Variants in LPIN1 observed in about 807,000 individuals in gnomAD.
LPIN1 encodes the protein phosphatidate phosphatase LPIN1.
Under a neutral mutation model 107.5 loss-of-function variants are expected in LPIN1, and 71 were observed. That is an observed-to-expected ratio of 0.66 (90% CI 0.55 to 0.80). LPIN1 has a LOEUF of 0.80. LPIN1 is among the 30% of genes least tolerant of loss of function. The pLI is 0.00. For synonymous variants in LPIN1, 445 were observed against 452.6 expected (o/e 0.98, Z 0.21); for missense variants, 1,043 against 1,160.6 (o/e 0.90, Z 1.47).
At chr2:11,785,608 G>A (rs1254889526) in intron 10 of LPIN1, among the ~76,000 whole-genome samples, 2 of 152,192 alleles carry the variant, frequency 1.3e-5, no homozygotes, top group Non-Finnish European at 1.5e-5. Flanking sequence ...GCAGTCAGCA[G>A]TTATCAGCTG....
At chr2:11,756,071 A>G (rs1668638390) in intron 1 of LPIN1, among the ~76,000 whole-genome samples, 1 of 152,208 alleles carries the variant, frequency 6.6e-6, no homozygotes, top group African/African-American at 2.4e-5. Flanking sequence ...AGTGAGAAAG[A>G]TGAACAAAAA....
In LPIN1 at chr2:11,765,763, C is replaced by T; in HGVS notation, c.192+30C>T. On this transcript the variant is annotated intron_variant, in intron 2 of 20. Coordinates refer to ENST00000674199, the MANE Select transcript of LPIN1 (RefSeq NM_001349206.2). The surrounding 1 kb of genome is among the most constrained non-coding windows in gnomAD (Gnocchi z 4.4). ...GCTCTCAGGGCACGGGGACCTGGCA[C>T]CGGCTCTCCTTAGAGAATGCCCTTG... The T allele has an allele frequency of 6.3e-7, 1 of 1,592,418 alleles. No homozygotes were observed. Among genetic ancestry groups the T allele is most frequent in the South Asian group, 1.1e-5 (1 of 89,378 alleles).
chr2:11,788,364 T>A, intron 11 of LPIN1, 23 bp from the exon 12 acceptor site: 1 of 1,587,322 alleles, frequency 6.3e-7, no homozygotes, highest in Non-Finnish European at 8.7e-7. Flanking sequence ...TTTTTTGACA[T>A]ATATTTCATT....
upstream of LPIN1, chr2:11,746,628 C>G (rs1362505267): frequency 1.1e-5 from 11 of 985,258 alleles, no homozygotes; most frequent in Non-Finnish European, 1.3e-5. Context: ...CGGCGGCGGG[C>G]TGGGTGTTTG....
chr2:11,740,721 GA>G (rs1348048386), intron 1 of LPIN1, among the ~76,000 whole-genome samples: 11 of 126,446 alleles, frequency 8.7e-5, no homozygotes, highest in African/African-American at 2.9e-4. Flanking sequence ...AGAAAGAAAA[GA>G]AAAGAAAGAA....
intron 1 of LPIN1, among the ~76,000 whole-genome samples, chr2:11,750,353 G>A (rs1667609483): frequency 1.3e-5 from 2 of 152,220 alleles, no homozygotes; most frequent in South Asian, 4.1e-4. Flanking sequence ...CCAGTCTCGG[G>A]GTGGCCTCTT....
chr2:11,692,660 C>CCTT (rs72319304), intron 1 of LPIN1, among the ~76,000 whole-genome samples: 19,109 of 152,148 alleles, frequency 0.13, 3,517 homozygotes, highest in African/African-American at 0.41. Context: ...CCTGCTGTCT[C>CCTT]CTCTGCTTTC....
chr2:11,755,110 C>T (rs900973498), intron 1 of LPIN1, among the ~76,000 whole-genome samples: 8 of 151,814 alleles, frequency 5.3e-5, no homozygotes, highest in Non-Finnish European at 8.8e-5. Flanking sequence ...GGACTACAGG[C>T]GCCCGCCACC....
At chr2:11,713,584 CTTAAT>C (rs1663541665) in intron 1 of LPIN1, among the ~76,000 whole-genome samples, 1 of 152,190 alleles carries the variant, frequency 6.6e-6, no homozygotes, top group South Asian at 2.1e-4. Context: ...CATTCTTCTT[CTTAAT>C]TTAGTTTTTT....
chr2:11,755,719 A>C (rs1299065948), intron 1 of LPIN1, among the ~76,000 whole-genome samples: 1 of 149,260 alleles, frequency 6.7e-6, no homozygotes, highest in Non-Finnish European at 1.5e-5. Context: ...CAAGACACTT[A>C]GTTCTTTTTT....
chr2:11,782,533 C>A (rs1454272448), intron 8 of LPIN1, 26 bp downstream of exon 8: 1 of 1,612,812 alleles, frequency 6.2e-7, no homozygotes, highest in Non-Finnish European at 8.5e-7. Flanking sequence ...CTTCCCGGCT[C>A]TTTTTCTGTT....
At chr2:11,724,245 C>T (rs976717335), upstream of LPIN1, 1 of 746,330 alleles carries the variant, frequency 1.3e-6, no homozygotes, top group African/African-American at 1.9e-5. Context: ...CTCTCCTCCT[C>T]TGAACACCAC....
chr2:11,709,062 G>T (rs1663273476), intron 1 of LPIN1, among the ~76,000 whole-genome samples: 1 of 152,118 alleles, frequency 6.6e-6, no homozygotes, highest in South Asian at 2.1e-4. Context: ...ATTCTACACA[G>T]TTTGACTCCA....
At chr2:11,769,216 C>T (rs1374471193) in intron 3 of LPIN1, among the ~76,000 whole-genome samples, 1 of 152,238 alleles carries the variant, frequency 6.6e-6, no homozygotes, top group Non-Finnish European at 1.5e-5. Context: ...GATTTGTCTA[C>T]ATCTTTGCCA....
chr2:11,733,772 G>A (rs923401178), intron 1 of LPIN1, among the ~76,000 whole-genome samples: 8 of 152,148 alleles, frequency 5.3e-5, no homozygotes, highest in Non-Finnish European at 1.0e-4. Context: ...GATTACAGGC[G>A]TGAGCCACTG....
chr2:11,824,517 C>A, intron 20 of LPIN1, 115 bp from the exon 21 acceptor site: 1 of 952,388 alleles, frequency 1.0e-6, no homozygotes, highest in Non-Finnish European at 1.7e-6. Context: ...TGAGTCGTGT[C>A]GATAAGTAGG....
intron 17 of LPIN1, among the ~76,000 whole-genome samples, chr2:11,813,084 G>C (rs1412671769): frequency 2.0e-5 from 3 of 152,152 alleles, no homozygotes; most frequent in Non-Finnish European, 4.4e-5. Context: ...GGTGAGTTGG[G>C]GAGGAGCCGC....
At chr2:11,791,793 G>A in intron 12 of LPIN1, 121 bp from the exon 13 acceptor site, 2 of 1,509,296 alleles carry the variant, frequency 1.3e-6, no homozygotes, top group Non-Finnish European at 1.8e-6. Flanking sequence ...ATAGTATGTT[G>A]TGTTTTCTCT....
intron 1 of LPIN1, among the ~76,000 whole-genome samples, chr2:11,680,124 G>C (rs911186843): frequency 5.3e-5 from 8 of 152,218 alleles, no homozygotes; most frequent in African/African-American, 1.9e-4. Flanking sequence ...GAATGCTGAG[G>C]GGGGATGCAG....
Sources: gnomAD v4.1 joint callset for allele counts (sites outside exome capture counted in the v4.1 genomes callset) on GRCh38, gnomAD v4.1.1 for gene constraint, Gnocchi (gnomAD v3.1) non-coding constraint, MANE v1.5 for transcripts, NCBI Gene and HGNC (gene_info 2026-07-23, HGNC 2026-07-21) for gene names.